ARL14EPL: variants seen among roughly 807,000 people sequenced by gnomAD.
ARL14EPL encodes the protein ARL14 effector protein-like.
In ARL14EPL, 17 loss-of-function variants were observed where a neutral mutation model predicts 15.9. The ratio of observed to expected loss-of-function variants is 1.07; its 90% CI spans 0.73 to 1.60. The LOEUF is 1.60. ARL14EPL is among the 40% of genes most tolerant of loss of function. ARL14EPL has a pLI of 0.00. For synonymous variants in ARL14EPL, 78 were observed against 63.8 expected (o/e 1.22, Z -1.06); for missense variants, 214 against 185.9 (o/e 1.15, Z -0.88).
At chr5:116,041,893 A>G (rs1484952402) in intron 1 of ARL14EPL, among the ~76,000 whole-genome samples, 2 of 152,168 alleles carry the variant, frequency 1.3e-5, no homozygotes, top group African/African-American at 2.4e-5. Flanking sequence ...CACTGACTCA[A>G]TCACGGCTCA....
rs531565579 is a variant in ARL14EPL at position 116,034,052 on chromosome 5, C to T, written c.-10+1547C>T. On this transcript the variant is annotated intron_variant, in intron 1 of 3. Transcript: ENST00000686077. ...TACTGAAAGTGGACTATTTTGATGA[C>T]GTGATGAGTCCTAGACTCTCAGGAT... Among the ~76,000 whole-genome samples, 10 of 152,264 alleles carry T rather than the reference C, an allele frequency of 6.6e-5. No homozygotes were observed. The South Asian group carries it at 1.0e-3, about 16-fold the overall frequency.
At chr5:116,055,950 A>T (rs973350145) in intron 3 of ARL14EPL, among the ~76,000 whole-genome samples, 1 of 152,192 alleles carries the variant, frequency 6.6e-6, no homozygotes, top group Non-Finnish European at 1.5e-5. Flanking sequence ...TTCCAACTTC[A>T]TCCATGTCCC....
In ARL14EPL at chr5:116,052,312, A is replaced by G. The variant is rs147852504; in HGVS notation, c.96+751A>G. 467 of 1,135,248 alleles carry G rather than the reference A, an allele frequency of 4.1e-4. 1 individual carries two copies. In the African/African-American group the frequency reaches 6.1e-3, roughly 15 times the overall value. 70.3% of individuals were successfully genotyped at this position (1,135,248 alleles called of 1,614,324 possible). On this transcript the variant is annotated intron_variant, in intron 2 of 3. Coordinates refer to ENST00000686077, the MANE Select transcript of ARL14EPL (RefSeq NM_001195581.2). ...CGAAGCTCGGAGAGTAGCAGCAGAC[A>G]CCGCAGCCTTGCAAAGATGTCGGAC...
intron 1 of ARL14EPL, among the ~76,000 whole-genome samples, chr5:116,046,677 C>T (rs2112673820): frequency 6.6e-6 from 1 of 152,270 alleles, no homozygotes; most frequent in Non-Finnish European, 1.5e-5. Context: ...GATGCTGACC[C>T]TAAGGAATGA....
At chr5:116,058,468 A>G (rs996721623) in intron 3 of ARL14EPL, among the ~76,000 whole-genome samples, 8 of 152,190 alleles carry the variant, frequency 5.3e-5, no homozygotes, top group African/African-American at 1.9e-4. Flanking sequence ...GTTACTCTAG[A>G]TGACAAGCCT....
intron 1 of ARL14EPL, among the ~76,000 whole-genome samples, chr5:116,039,039 C>G (rs1168923895): frequency 1.3e-5 from 2 of 152,072 alleles, no homozygotes; most frequent in Admixed American, 6.5e-5. Context: ...TGTCTGGTAG[C>G]AGGGTGGGGG....
At position 116,058,857 on chromosome 5, in the gene ARL14EPL, G is replaced by C. The variant is rs779595544; in HGVS notation, c.369G>C (p.Glu123Asp). ...PKCNSNKCGP[E>D]CRCNRRWVYD... ...GTAACTCCAACAAGTGTGGGCCCGA[G>C]TGCCGCTGCAACCGACGGTGGGTTT... The change falls in exon 4 of 4, where the codon GAG (glutamate) becomes GAC (aspartate). Residue 123 changes from glutamate (E) to aspartate (D), a missense_variant. Glu to Asp is a conservative substitution (Grantham distance 45, BLOSUM62 2). Coordinates refer to ENST00000686077, the MANE Select transcript of ARL14EPL (RefSeq NM_001195581.2). 1.3e-6 allele frequency: 2 copies of C among 1,536,122 alleles called. No individual in the cohort carries two copies. Among genetic ancestry groups the C allele is most frequent in the East Asian group, 2.4e-5 (1 of 40,928 alleles).
intron 2 of ARL14EPL, chr5:116,051,807 T>C: frequency 1.2e-6 from 1 of 830,298 alleles, no homozygotes; most frequent in Non-Finnish European, 1.8e-6. Flanking sequence ...TACAATAAAA[T>C]TCTGCTTTTT....
chr5:116,039,021 G>A (rs144694228), intron 1 of ARL14EPL, among the ~76,000 whole-genome samples: 8 of 152,274 alleles, frequency 5.3e-5, no homozygotes, highest in Admixed American at 2.0e-4. Flanking sequence ...CAGACAAACC[G>A]CCCTTGCTGT....
At chr5:116,043,199 T>C (rs1247184720) in intron 1 of ARL14EPL, among the ~76,000 whole-genome samples, 1 of 151,264 alleles carries the variant, frequency 6.6e-6, no homozygotes, top group Admixed American at 6.6e-5. Context: ...GTAATTGCGA[T>C]TTTGCCATTG....
At chr5:116,053,223 G>A (rs933760123) in intron 2 of ARL14EPL, among the ~76,000 whole-genome samples, 6 of 152,060 alleles carry the variant, frequency 3.9e-5, no homozygotes, top group East Asian at 3.9e-4. Context: ...ATGGTGGTGC[G>A]TGCCTGCAGT....
chr5:116,039,140 G>A (rs1012721381), intron 1 of ARL14EPL, among the ~76,000 whole-genome samples: 3 of 152,194 alleles, frequency 2.0e-5, no homozygotes, highest in Non-Finnish European at 4.4e-5. Context: ...CCCCAGGAGG[G>A]AGTGTAAGCC....
intron 1 of ARL14EPL, among the ~76,000 whole-genome samples, chr5:116,040,869 T>C (rs1385073961): frequency 6.8e-6 from 1 of 146,684 alleles, no homozygotes; most frequent in Non-Finnish European, 1.5e-5. Context: ...TAGTCCCAGC[T>C]ACTCGGGAGG....
intron 1 of ARL14EPL, among the ~76,000 whole-genome samples, chr5:116,045,183 G>T (rs1319901458): frequency 1.3e-5 from 2 of 152,146 alleles, no homozygotes; most frequent in Non-Finnish European, 2.9e-5. Flanking sequence ...AAGAGTGAAA[G>T]ATAATTGGAG....
At chr5:116,044,211 G>T (rs1396490) in intron 1 of ARL14EPL, among the ~76,000 whole-genome samples, 4 of 152,218 alleles carry the variant, frequency 2.6e-5, no homozygotes, top group African/African-American at 9.6e-5. Flanking sequence ...GTTCTTTGCG[G>T]TAAAAGTAAT....
At chr5:116,057,272 A>G (rs960868467) in intron 3 of ARL14EPL, among the ~76,000 whole-genome samples, 9 of 152,122 alleles carry the variant, frequency 5.9e-5, no homozygotes, top group African/African-American at 1.7e-4. Flanking sequence ...GAGGGATGCA[A>G]TGGGTGGGGA....
intron 1 of ARL14EPL, among the ~76,000 whole-genome samples, chr5:116,047,653 G>C (rs190619322): frequency 3.9e-5 from 6 of 152,218 alleles, no homozygotes; most frequent in Non-Finnish European, 8.8e-5. Flanking sequence ...TGGACTCTCT[G>C]AGCATGTGTT....
intron 1 of ARL14EPL, among the ~76,000 whole-genome samples, chr5:116,040,731 T>A (rs1216453711): frequency 6.7e-6 from 1 of 150,280 alleles, no homozygotes; most frequent in Admixed American, 6.7e-5. Context: ...TTATGCTGTT[T>A]GGGAGGCCAA....
intron 2 of ARL14EPL, chr5:116,051,976 T>G: frequency 1.2e-6 from 2 of 1,612,168 alleles, no homozygotes; most frequent in Non-Finnish European, 1.7e-6. Context: ...TTACTTGAGC[T>G]CTGTGCTTTG....
Sources: allele counts gnomAD v4.1 joint callset (sites outside exome capture counted in the v4.1 genomes callset), GRCh38; gene constraint gnomAD v4.1.1; transcripts MANE v1.5; gene names NCBI Gene and HGNC (gene_info 2026-07-23, HGNC 2026-07-21).